The following TMC1 variants were observed in gnomAD, a reference collection of about 807,000 sequenced individuals.
The protein encoded by TMC1 is transmembrane channel like 1, also known as transmembrane channel-like protein 1.
In TMC1, 84 loss-of-function variants were observed where a neutral mutation model predicts 105.8. The ratio of observed to expected loss-of-function variants is 0.79; its 90% CI spans 0.67 to 0.95. TMC1 has a LOEUF of 0.95. Among genes scored for constraint, TMC1 ranks in the 40% least tolerant of loss-of-function variants. The pLI, the probability that TMC1 is intolerant of heterozygous loss-of-function variation, is 0.00. For missense variants in TMC1, 817 were observed against 914.1 expected (o/e 0.89, Z 1.37); for synonymous variants, 315 against 311.5 (o/e 1.01, Z -0.12).
chr9:72,715,415 G>C (rs1409740863), intron 8 of TMC1, among the ~76,000 whole-genome samples: 1 of 151,890 alleles, frequency 6.6e-6, no homozygotes, highest in East Asian at 1.9e-4. Flanking sequence ...ACATAGATTT[G>C]GTCTTTTCAC....
At chr9:72,588,218 C>T (rs750481710) in intron 2 of TMC1, among the ~76,000 whole-genome samples, 53 of 152,190 alleles carry the variant, frequency 3.5e-4, no homozygotes, top group Non-Finnish European at 1.0e-4. Context: ...GGCTTCACTC[C>T]TGTCACTTTG....
chr9:72,691,590 T>A (rs1826467559), intron 6 of TMC1, among the ~76,000 whole-genome samples: 1 of 152,148 alleles, frequency 6.6e-6, no homozygotes, highest in African/African-American at 2.4e-5. Flanking sequence ...AGTTGACTTT[T>A]TCTTTTTAAG....
At chr9:72,597,274 T>TG (rs1374021311) in intron 2 of TMC1, among the ~76,000 whole-genome samples, 5 of 152,350 alleles carry the variant, frequency 3.3e-5, no homozygotes, top group African/African-American at 4.8e-5. Context: ...GCTGTTCACA[T>TG]GCGGCCGGAA....
intron 1 of TMC1, among the ~76,000 whole-genome samples, chr9:72,536,171 A>C (rs1823581637): frequency 6.6e-6 from 1 of 152,248 alleles, no homozygotes; most frequent in South Asian, 2.1e-4. Flanking sequence ...GACTCAAGGC[A>C]ACTTCTTTAC....
At chr9:72,670,713 A>G (rs1826115764) in intron 5 of TMC1, among the ~76,000 whole-genome samples, 2 of 152,214 alleles carry the variant, frequency 1.3e-5, no homozygotes, top group Admixed American at 1.3e-4. Flanking sequence ...AAATAAAAAG[A>G]CAATAAAATA....
chr9:72,779,495 C>T (rs976635827), intron 13 of TMC1, among the ~76,000 whole-genome samples: 3 of 152,106 alleles, frequency 2.0e-5, no homozygotes, highest in Admixed American at 6.5e-5. Context: ...AAGTTAAAAC[C>T]CAATACGATG....
intron 4 of TMC1, among the ~76,000 whole-genome samples, chr9:72,636,175 T>C (rs1361143571): frequency 6.6e-6 from 1 of 152,224 alleles, no homozygotes; most frequent in Non-Finnish European, 1.5e-5. Flanking sequence ...GTCAAGAAAC[T>C]GGTGCACATT....
At chr9:72,528,520 G>T (rs1823444607) in intron 1 of TMC1, among the ~76,000 whole-genome samples, 1 of 152,038 alleles carries the variant, frequency 6.6e-6, no homozygotes, top group Non-Finnish European at 1.5e-5. Context: ...TTTTGGTAGA[G>T]ACAGGGTTTC....
chr9:72,620,104 A>ATT (rs973074777), intron 3 of TMC1, among the ~76,000 whole-genome samples: 8 of 152,108 alleles, frequency 5.3e-5, no homozygotes, highest in African/African-American at 1.7e-4. Context: ...AAGTGCTAGG[A>ATT]TTACAGGCGG....
At chr9:72,563,781 T>C (rs947042067) in intron 1 of TMC1, among the ~76,000 whole-genome samples, 6 of 149,586 alleles carry the variant, frequency 4.0e-5, no homozygotes, top group African/African-American at 7.4e-5. Context: ...GTGCCTGTAA[T>C]CCCAGCTATT....
intron 3 of TMC1, among the ~76,000 whole-genome samples, chr9:72,623,131 TTCTC>T (rs10583996): frequency 2.1e-4 from 29 of 136,556 alleles, no homozygotes; most frequent in African/African-American, 4.7e-4. Context: ...TTTATTTGTC[TTCTC>T]TCTCTCTCCC....
chr9:72,819,339 A>G (rs1023871476), intron 19 of TMC1, among the ~76,000 whole-genome samples: 6 of 152,230 alleles, frequency 3.9e-5, no homozygotes, highest in African/African-American at 9.6e-5. Flanking sequence ...CTCAAAGTGT[A>G]TTACATCAAC....
intron 1 of TMC1, among the ~76,000 whole-genome samples, chr9:72,522,796 G>A (rs1235679480): frequency 6.6e-6 from 1 of 152,212 alleles, no homozygotes; most frequent in Non-Finnish European, 1.5e-5. Context: ...GGAGCTGCTG[G>A]AACAGCGCTG....
chr9:72,547,725 T>C (rs1466222218), intron 1 of TMC1, among the ~76,000 whole-genome samples: 1 of 152,168 alleles, frequency 6.6e-6, no homozygotes, highest in African/African-American at 2.4e-5. Flanking sequence ...AACCAAAGAC[T>C]TGGAGATAGG....
At chr9:72,561,549 AAAC>A (rs1824051278) in intron 1 of TMC1, among the ~76,000 whole-genome samples, 1 of 152,154 alleles carries the variant, frequency 6.6e-6, no homozygotes, top group Non-Finnish European at 1.5e-5. Flanking sequence ...CAATGTCCAC[AAAC>A]AACAGTAGAC....
At chr9:72,657,020 T>C (rs577490147) in intron 5 of TMC1, among the ~76,000 whole-genome samples, 80 of 152,352 alleles carry the variant, frequency 5.3e-4, no homozygotes, top group Middle Eastern at 3.4e-3. Context: ...TCTTTTCTGA[T>C]AGTTCTTTCC....
chr9:72,834,101 A>G lies in TMC1; in HGVS notation c.2261-1850A>G, dbSNP rs138245075. ...TTCCCTTTGTCTCTTTGCTTTACCT[A>G]TGAACATTTCCTTATCTTTAAATTT... On this transcript the variant is annotated intron_variant, in intron 23 of 23. Transcript: ENST00000297784. Among the ~76,000 whole-genome samples, 16 of 148,094 alleles carry G rather than the reference A, an allele frequency of 1.1e-4. No individual in the cohort carries two copies. The East Asian group carries it at 1.6e-3, about 15-fold the overall frequency.
intron 4 of TMC1, among the ~76,000 whole-genome samples, chr9:72,646,491 T>C (rs772496925): frequency 3.3e-5 from 5 of 152,160 alleles, no homozygotes; most frequent in Non-Finnish European, 5.9e-5. Flanking sequence ...CCTGTAGTGG[T>C]CTTGATTTCC....
chr9:72,807,737 C>T (rs1466023358), intron 18 of TMC1, among the ~76,000 whole-genome samples: 1 of 152,196 alleles, frequency 6.6e-6, no homozygotes, highest in Non-Finnish European at 1.5e-5. Flanking sequence ...ACAAAGTTCA[C>T]AGTCTAATAA....
Sources: gnomAD v4.1 joint callset for allele counts (sites outside exome capture counted in the v4.1 genomes callset) on GRCh38, gnomAD v4.1.1 for gene constraint, MANE v1.5 for transcripts, NCBI Gene and HGNC (gene_info 2026-07-23, HGNC 2026-07-21) for gene names.